Variants in STK32C observed in about 807,000 individuals in gnomAD.
The protein encoded by STK32C is serine/threonine kinase 32C.
Under a neutral mutation model 56.5 loss-of-function variants are expected in STK32C, and 31 were observed. The observed-to-expected ratio is 0.55, with a 90% CI of 0.41 to 0.74. The LOEUF is 0.74. STK32C is among the 30% of genes least tolerant of loss of function. STK32C has a pLI of 0.00. For missense variants in STK32C, 544 were observed against 676.9 expected, an observed-to-expected ratio of 0.80 and a Z score of 2.18; for synonymous variants, 309 against 289.4, an observed-to-expected ratio of 1.07 and a Z score of -0.69.
intron 2 of STK32C, among the ~76,000 whole-genome samples, chr10:132,238,027 C>A (rs1303396602): frequency 3.3e-5 from 5 of 152,150 alleles, no homozygotes; most frequent in African/African-American, 1.2e-4. Context: ...CCAGCCCTGA[C>A]CCTCCCAGAG....
At position 132,228,067 on chromosome 10, in the gene STK32C, T is replaced by C. The variant is rs1263470061; in HGVS notation, c.380A>G (p.Gln127Arg). 1 of 1,614,080 alleles carries C rather than the reference T, an allele frequency of 6.2e-7. No homozygotes were observed. Among genetic ancestry groups the C allele is most frequent in the Admixed American group, 1.7e-5 (1 of 60,028 alleles). Residue 127 changes from glutamine to arginine, a missense_variant, in exon 3 of 12, where the codon CAG (glutamine) becomes CGG (arginine). Gln to Arg is a conservative substitution (Grantham distance 43). Transcript: ENST00000298630. ...KMYAMKYMNK[Q>R]QCIERDEVRN... is the part of the protein sequence containing the mutation. ...GACCTCGTCGCGCTCGATGCACTGC[T>C]GCTTGTTCATGTACTTCATGGCGTA... is the stretch of plus-strand genomic sequence containing the variant.
chr10:132,234,488 A>G (rs1467845577), intron 2 of STK32C, among the ~76,000 whole-genome samples: 1 of 150,896 alleles, frequency 6.6e-6, no homozygotes, highest in Non-Finnish European at 1.5e-5. Flanking sequence ...TCTTGGGGGG[A>G]CTCTGGGTGC....
At chr10:132,331,836 G>A (rs759109660), upstream of STK32C, 17 of 1,498,900 alleles carry the variant, frequency 1.1e-5, no homozygotes, top group Non-Finnish European at 1.4e-5. Flanking sequence ...GGCCGCGGGC[G>A]CGGAAAAACG....
intron 1 of STK32C, among the ~76,000 whole-genome samples, chr10:132,279,700 G>C (rs374814548): frequency 6.7e-6 from 1 of 149,260 alleles, no homozygotes; most frequent in African/African-American, 2.5e-5. Context: ...ACTCCACTCC[G>C]TGATCACGAC....
At chr10:132,253,468 CTGGAGGGAGT>C (rs2063983428) in intron 1 of STK32C, among the ~76,000 whole-genome samples, 1 of 136,268 alleles carries the variant, frequency 7.3e-6, no homozygotes, top group Non-Finnish European at 1.6e-5. Context: ...CTGGAGGGAG[CTGGAGGGAGT>C]CGAGGGAGCT....
chr10:132,230,039 T>C (rs1403680093), intron 2 of STK32C, among the ~76,000 whole-genome samples: 1 of 151,930 alleles, frequency 6.6e-6, no homozygotes, highest in East Asian at 1.9e-4. Flanking sequence ...GAGGCGCGTG[T>C]GCTGATGGGG....
At chr10:132,208,262 G>A (rs1040504071) in intron 11 of STK32C, 111 bp from the exon 12 acceptor site, 17 of 1,197,790 alleles carry the variant, frequency 1.4e-5, no homozygotes, top group Non-Finnish European at 1.7e-5. Flanking sequence ...ATGCCCAAAC[G>A]TGGGCCACAG....
chr10:132,284,847 C>T (rs77836286), intron 1 of STK32C, among the ~76,000 whole-genome samples: 523 of 113,070 alleles, frequency 4.6e-3, no homozygotes, highest in African/African-American at 7.8e-3. Flanking sequence ...ACCCAGAACA[C>T]ATTCCCACAT....
intron 1 of STK32C, among the ~76,000 whole-genome samples, chr10:132,270,719 C>T (rs546471227): frequency 6.6e-6 from 1 of 152,330 alleles, no homozygotes; most frequent in Non-Finnish European, 1.5e-5. Context: ...CGTCTGTAAC[C>T]AGCAGAGAAC....
intron 10 of STK32C, 27 bp from the exon 11 acceptor site, chr10:132,209,128 GT>G: frequency 6.2e-7 from 1 of 1,605,998 alleles, no homozygotes; most frequent in South Asian, 1.1e-5. Flanking sequence ...ACACGTGAGC[GT>G]GGGGGACGCT....
intron 1 of STK32C, among the ~76,000 whole-genome samples, chr10:132,269,096 C>T (rs912630766): frequency 6.9e-6 from 1 of 144,096 alleles, no homozygotes; most frequent in Admixed American, 6.9e-5. Context: ...TGCCTGCGTG[C>T]GTCACATCGT....
At chr10:132,315,791 T>C (rs1294009629) in intron 1 of STK32C, among the ~76,000 whole-genome samples, 1 of 152,182 alleles carries the variant, frequency 6.6e-6, no homozygotes, top group Non-Finnish European at 1.5e-5. Flanking sequence ...GTGCAAGAAA[T>C]ATTAAATAGG....
rs200927472 is a variant in STK32C at position 132,225,299 on chromosome 10, G to A, written c.810C>T (p.Thr270=). The part of the protein sequence containing the change: ...EIFHSFVNGG[T]GYSFEVDWWS... ...ACCAGTCCACCTCGAAGGAGTAGCC[G>A]GTCCCGCCGTTGACAAAAGAGTGGA... Residue 270 remains threonine (T), a synonymous_variant, in exon 7 of 12, where the codon ACC becomes ACT. Transcript: ENST00000298630. 201 of 1,602,900 alleles carry A rather than the reference G, an allele frequency of 1.3e-4. No homozygotes were observed. The East Asian group carries it at 1.3e-3, about 11-fold the overall frequency.
intron 1 of STK32C, among the ~76,000 whole-genome samples, chr10:132,275,537 G>T (rs538683546): frequency 6.6e-6 from 1 of 152,146 alleles, no homozygotes; most frequent in Non-Finnish European, 1.5e-5. Flanking sequence ...AATCACCTCC[G>T]AGTCTCAGTG....
chr10:132,275,871 C>A (rs2064980253), intron 1 of STK32C, among the ~76,000 whole-genome samples: 1 of 152,200 alleles, frequency 6.6e-6, no homozygotes, highest in African/African-American at 2.4e-5. Context: ...CTCTGAGAAG[C>A]AGACACCCAG....
intron 1 of STK32C, among the ~76,000 whole-genome samples, chr10:132,248,227 C>T (rs2063758902): frequency 6.6e-6 from 1 of 152,252 alleles, no homozygotes. Context: ...GGAAAGTCAG[C>T]TGTGAACCAG....
chr10:132,307,912 G>C lies in STK32C; in HGVS notation c.-79C>G. 9.1e-7 allele frequency: 1 copy of C among 1,102,250 alleles called. No individual in the cohort carries two copies. The highest frequency in any genetic ancestry group is 1.1e-6 in the Non-Finnish European group (1 of 902,690). The allele number at this position is 1,102,250 out of a possible 1,614,324, so 68.3% of individuals were successfully genotyped here. A position where few individuals can be genotyped will look rare whatever the true frequency, so the allele number is the denominator to read the frequency against. On this transcript the variant is annotated 5_prime_UTR_variant, in exon 1 of 12. Transcript: ENST00000298630. This position sits in a 1 kb window ranked among gnomAD's most constrained non-coding sequence, Gnocchi z 4.4. ...GGGCCGGGAGCGGCAGTGGTAGCGGGAGCGCTCGGGGCCGGCAGCGCCCGC... is the reference window on the plus strand; with the variant it reads ...GGGCCGGGAGCGGCAGTGGTAGCGGCAGCGCTCGGGGCCGGCAGCGCCCGC...
At chr10:132,314,055 C>G (rs12265022) in intron 1 of STK32C, among the ~76,000 whole-genome samples, 43,747 of 152,142 alleles carry the variant, frequency 0.29, 6,828 homozygotes, top group African/African-American at 0.36. Flanking sequence ...GCAGCAGCCT[C>G]TGTCAGAACT....
intron 2 of STK32C, among the ~76,000 whole-genome samples, chr10:132,243,387 G>A (rs544739423): frequency 2.0e-5 from 3 of 152,270 alleles, no homozygotes; most frequent in South Asian, 2.1e-4. Flanking sequence ...TGGGGGCGAG[G>A]CGGGGGTGGA....
Sources: gnomAD v4.1 joint callset for allele counts (sites outside exome capture counted in the v4.1 genomes callset) on GRCh38, gnomAD v4.1.1 for gene constraint, Gnocchi (gnomAD v3.1) non-coding constraint, MANE v1.5 for transcripts, NCBI Gene and HGNC (gene_info 2026-07-23, HGNC 2026-07-21) for gene names.